The following BICC1 variants were observed in gnomAD, a reference collection of about 807,000 sequenced individuals.
BICC1 encodes BicC family RNA binding protein 1, also known as protein bicaudal C homolog 1.
BICC1 carries 43 observed loss-of-function variants against 111.0 expected under a neutral mutation model. That is an observed-to-expected ratio of 0.39 (90% CI 0.30 to 0.50). The LOEUF (loss-of-function observed/expected upper bound fraction) is 0.50, where lower values mean the gene tolerates loss of function less well. Among genes scored for constraint, BICC1 ranks in the 20% least tolerant of loss-of-function variants. The pLI is 0.88. For missense variants in BICC1, 1,091 were observed against 1,203.2 expected, an observed-to-expected ratio of 0.91 and a Z score of 1.38; for synonymous variants, 467 against 434.4, an observed-to-expected ratio of 1.07 and a Z score of -0.93.
At chr10:58,652,263 T>C (rs2132254337) in intron 2 of BICC1, among the ~76,000 whole-genome samples, 1 of 152,308 alleles carries the variant, frequency 6.6e-6, no homozygotes, top group East Asian at 1.9e-4. Flanking sequence ...GAAAATTTAC[T>C]ATTATTGCTT....
intron 1 of BICC1, among the ~76,000 whole-genome samples, chr10:58,557,568 T>A (rs998118733): frequency 6.6e-6 from 1 of 152,062 alleles, no homozygotes; most frequent in African/African-American, 2.4e-5. Flanking sequence ...AAATCACCAT[T>A]TAACTTTAGA....
At chr10:58,559,550 G>T (rs1843547676) in intron 1 of BICC1, among the ~76,000 whole-genome samples, 1 of 152,138 alleles carries the variant, frequency 6.6e-6, no homozygotes, top group Admixed American at 6.5e-5. Flanking sequence ...AACAGAAACA[G>T]TTTGATTACC....
intron 2 of BICC1, among the ~76,000 whole-genome samples, chr10:58,645,464 A>G (rs897086636): frequency 2.0e-5 from 3 of 149,690 alleles, no homozygotes; most frequent in Admixed American, 2.0e-4. Context: ...TTAGAACCAG[A>G]TTGGCATTTT....
chr10:58,627,032 G>A (rs1315743930), intron 2 of BICC1, among the ~76,000 whole-genome samples: 1 of 152,102 alleles, frequency 6.6e-6, no homozygotes, highest in African/African-American at 2.4e-5. Flanking sequence ...AACCTGGGAG[G>A]CAGAGGTTAC....
At chr10:58,652,284 A>C (rs1291012344) in intron 2 of BICC1, among the ~76,000 whole-genome samples, 1 of 152,154 alleles carries the variant, frequency 6.6e-6, no homozygotes, top group Non-Finnish European at 1.5e-5. Flanking sequence ...GGATAAGTAA[A>C]AATTTGGGAA....
intron 3 of BICC1, among the ~76,000 whole-genome samples, chr10:58,767,841 AG>A (rs1842500877): frequency 6.6e-6 from 1 of 151,948 alleles, no homozygotes; most frequent in Non-Finnish European, 1.5e-5. Flanking sequence ...TGCATCAGAG[AG>A]AGTCAACAGC....
intron 2 of BICC1, among the ~76,000 whole-genome samples, chr10:58,643,916 A>G (rs1838192910): frequency 6.6e-6 from 1 of 152,206 alleles, no homozygotes; most frequent in African/African-American, 2.4e-5. Flanking sequence ...ATATGTCCTC[A>G]ACAGCACCTA....
Position 58,531,290 on chromosome 10 carries a change from C to T in BICC1, c.190+17957C>T, listed in dbSNP as rs74148872. Among the ~76,000 whole-genome samples, 713 of 151,812 alleles carry T rather than the reference C, an allele frequency of 4.7e-3. 5 individuals are homozygous for T. Among genetic ancestry groups the T allele is most frequent in the African/African-American group, 0.016 (663 of 41,438 alleles). On this transcript the variant is annotated intron_variant, in intron 1 of 20. Coordinates refer to ENST00000373886, the MANE Select transcript of BICC1 (RefSeq NM_001080512.3). ...ATACCCGTAGTACTGCAAACAGACACCAGAGGGTGCAAGAGACTGTAGACT... is the reference window on the plus strand; with the variant it reads ...ATACCCGTAGTACTGCAAACAGACATCAGAGGGTGCAAGAGACTGTAGACT...
intron 1 of BICC1, among the ~76,000 whole-genome samples, chr10:58,605,845 T>C (rs904723946): frequency 6.6e-6 from 1 of 152,248 alleles, no homozygotes; most frequent in Non-Finnish European, 1.5e-5. Flanking sequence ...CTATCATCTA[T>C]GTTGTTGTTT....
At chr10:58,631,326 C>G (rs187133198) in intron 2 of BICC1, among the ~76,000 whole-genome samples, 6 of 152,066 alleles carry the variant, frequency 3.9e-5, no homozygotes, top group Admixed American at 3.3e-4. Flanking sequence ...CCTAGTGTTA[C>G]TCTCTCATTT....
chr10:58,603,732 G>A (rs1845117290), intron 1 of BICC1, among the ~76,000 whole-genome samples: 2 of 152,068 alleles, frequency 1.3e-5, no homozygotes, highest in Non-Finnish European at 2.9e-5. Flanking sequence ...CATTGATGGA[G>A]GTGGAATTCT....
intron 1 of BICC1, among the ~76,000 whole-genome samples, chr10:58,562,540 A>T (rs1179819270): frequency 1.3e-5 from 2 of 151,886 alleles, no homozygotes; most frequent in African/African-American, 4.8e-5. Context: ...TTGAATTCTC[A>T]GTCTGTATTC....
Position 58,785,051 on chromosome 10 carries a change from G to A in BICC1, c.358G>A (p.Glu120Lys), listed in dbSNP as rs2132786391. The A allele has an allele frequency of 6.3e-7, 1 of 1,598,416 alleles. No individual in the cohort carries two copies. The highest frequency in any genetic ancestry group is 8.5e-7 in the Non-Finnish European group (1 of 1,171,642). The change falls in exon 4 of 21, where the codon GAA (glutamate) becomes AAA (lysine). Residue 120 changes from glutamate (E) to lysine (K), a missense_variant. Glu to Lys is a moderately conservative substitution (Grantham distance 56). This residue lies in a region of BICC1 where 843 missense variants were observed against 900.8 expected (regional missense o/e 0.94). Coordinates refer to ENST00000373886, the MANE Select transcript of BICC1 (RefSeq NM_001080512.3). ...GAAAGAAGATGTTAAAGAAGCCAAG[G>A]AAATGATCATGTCTGTCTTAGACAC... Reference protein sequence around the residue: ...GKKEDVKEAKEMIMSVLDTKS... With the variant: ...GKKEDVKEAKKMIMSVLDTKS...
chr10:58,697,224 G>A lies in BICC1; in HGVS notation c.238-4850G>A, dbSNP rs541106709. Among the ~76,000 whole-genome samples the A allele has an allele frequency of 5.9e-5, 9 of 152,286 alleles. No individual in the cohort carries two copies. In the South Asian group the frequency reaches 1.9e-3, roughly 32 times the overall value. On this transcript the variant is annotated intron_variant, in intron 2 of 20. Coordinates refer to ENST00000373886, the MANE Select transcript of BICC1 (RefSeq NM_001080512.3). ...ACTTAAACATATCACATGTTTCTTGGAAGTGATTTTCTTGTCAGATTTTTT... is the reference window on the plus strand; with the variant it reads ...ACTTAAACATATCACATGTTTCTTGAAAGTGATTTTCTTGTCAGATTTTTT...
chr10:58,566,708 A>G (rs775207314), intron 1 of BICC1, among the ~76,000 whole-genome samples: 1 of 152,070 alleles, frequency 6.6e-6, no homozygotes, highest in Non-Finnish European at 1.5e-5. Flanking sequence ...TGCAGGAGTA[A>G]GGTTGTATCG....
Position 58,581,676 on chromosome 10 carries a change from G to T in BICC1, c.191-39179G>T, listed in dbSNP as rs575072572. On this transcript the variant is annotated intron_variant, in intron 1 of 20. Transcript: ENST00000373886. ...GTGGTCAGATCCTGGAGCCTCGCCT[G>T]CTGGGGATCGGTTTTTCCTAGACGC... Among the ~76,000 whole-genome samples, 11 of 152,232 alleles carry T rather than the reference G, an allele frequency of 7.2e-5. No individual in the cohort carries two copies. In the South Asian group the frequency reaches 2.3e-3, roughly 32 times the overall value.
At chr10:58,706,649 T>G (rs1840394866) in intron 3 of BICC1, among the ~76,000 whole-genome samples, 1 of 152,172 alleles carries the variant, frequency 6.6e-6, no homozygotes, top group Non-Finnish European at 1.5e-5. Context: ...CACGCTGTTC[T>G]CATGATAGTG....
intron 2 of BICC1, among the ~76,000 whole-genome samples, chr10:58,649,401 C>T (rs1449313963): frequency 6.6e-6 from 1 of 152,168 alleles, no homozygotes; most frequent in Non-Finnish European, 1.5e-5. Flanking sequence ...ATAACCCACC[C>T]ACGAAGCCTG....
At chr10:58,520,547 G>C (rs991052756) in intron 1 of BICC1, among the ~76,000 whole-genome samples, 2 of 152,092 alleles carry the variant, frequency 1.3e-5, no homozygotes, top group African/African-American at 4.8e-5. Context: ...TATGATGCTG[G>C]CATATAAAAA....
Sources: gnomAD v4.1 joint callset for allele counts (sites outside exome capture counted in the v4.1 genomes callset) on GRCh38, gnomAD v4.1.1 for gene constraint, gnomAD v4.1.1 regional missense constraint, MANE v1.5 for transcripts, NCBI Gene and HGNC (gene_info 2026-07-23, HGNC 2026-07-21) for gene names.